Variants in CTIF observed in about 807,000 individuals in gnomAD.
The protein encoded by CTIF is cap binding complex dependent translation initiation factor.
A neutral mutation model predicts 66.0 loss-of-function variants in CTIF; 21 were observed. The ratio of observed to expected loss-of-function variants is 0.32; its 90% CI spans 0.23 to 0.46. The LOEUF (loss-of-function observed/expected upper bound fraction) is 0.46. CTIF is among the 20% of genes least tolerant of loss of function. The probability of loss-of-function intolerance (pLI) is 1.00; values close to 1 mark genes in which losing one functional copy is unlikely to be tolerated. For synonymous variants in CTIF, 345 were observed against 326.4 expected (o/e 1.06, Z -0.62); for missense variants, 739 against 812.7 (o/e 0.91, Z 1.10).
At chr18:48,794,502 G>T (rs2067866652) in intron 9 of CTIF, among the ~76,000 whole-genome samples, 1 of 152,158 alleles carries the variant, frequency 6.6e-6, no homozygotes, top group Admixed American at 6.5e-5. Flanking sequence ...GGCTACGGCT[G>T]GTTCTCCCAC....
chr18:48,559,384 A>G (rs920751136), intron 1 of CTIF, among the ~76,000 whole-genome samples: 21 of 152,308 alleles, frequency 1.4e-4, no homozygotes, highest in Non-Finnish European at 2.9e-4. Flanking sequence ...AAACAAAAGA[A>G]TATTTTCTAA....
chr18:48,615,341 G>A (rs2090378716), intron 1 of CTIF, among the ~76,000 whole-genome samples: 1 of 152,234 alleles, frequency 6.6e-6, no homozygotes, highest in Non-Finnish European at 1.5e-5. Flanking sequence ...TTCTTCTCTT[G>A]TGACTGAGAT....
intron 3 of CTIF, among the ~76,000 whole-genome samples, chr18:48,661,167 TG>T (rs2091338254): frequency 1.3e-5 from 2 of 152,164 alleles, no homozygotes; most frequent in African/African-American, 2.4e-5. Context: ...ACAGTCTACT[TG>T]GGGAAGGTCT....
chr18:48,720,642 C>T (rs1162967273), intron 7 of CTIF, among the ~76,000 whole-genome samples: 3 of 152,164 alleles, frequency 2.0e-5, no homozygotes, highest in Non-Finnish European at 4.4e-5. Flanking sequence ...CTCACGCCCA[C>T]CCCCAAGCAG....
At chr18:48,801,300 A>G (rs1460459128) in intron 9 of CTIF, among the ~76,000 whole-genome samples, 4 of 152,220 alleles carry the variant, frequency 2.6e-5, no homozygotes, top group African/African-American at 9.6e-5. Context: ...AGGCAGGCAC[A>G]GGCCAGGATC....
chr18:48,541,168 C>T (rs919622573), intron 1 of CTIF, among the ~76,000 whole-genome samples: 1 of 152,068 alleles, frequency 6.6e-6, no homozygotes, highest in Non-Finnish European at 1.5e-5. Flanking sequence ...GACTGCCAAC[C>T]GCAGCCCCGG....
intron 6 of CTIF, among the ~76,000 whole-genome samples, chr18:48,704,540 C>G (rs1277078860): frequency 1.3e-5 from 2 of 152,196 alleles, no homozygotes; most frequent in African/African-American, 2.4e-5. Flanking sequence ...GCTCACTGTT[C>G]TGAAAGCAGA....
At chr18:48,834,980 C>T (rs775107190) in intron 10 of CTIF, among the ~76,000 whole-genome samples, 2 of 152,236 alleles carry the variant, frequency 1.3e-5, no homozygotes, top group East Asian at 1.9e-4. Context: ...TGCCAGCTTC[C>T]GGGAAGCGAA....
intron 9 of CTIF, among the ~76,000 whole-genome samples, chr18:48,813,257 G>A (rs1052275354): frequency 5.3e-5 from 8 of 152,030 alleles, no homozygotes; most frequent in African/African-American, 1.2e-4. Flanking sequence ...CCCTTCCTTC[G>A]AATGCCTATT....
At chr18:48,568,767 CAA>C in intron 1 of CTIF, among the ~76,000 whole-genome samples, 1 of 150,236 alleles carries the variant, frequency 6.7e-6, no homozygotes, top group South Asian at 2.1e-4. Flanking sequence ...TGGCGGCAGG[CAA>C]AAGAGTGTGT....
At chr18:48,594,817 C>T (rs1023929079) in intron 1 of CTIF, among the ~76,000 whole-genome samples, 2 of 152,240 alleles carry the variant, frequency 1.3e-5, no homozygotes, top group African/African-American at 4.8e-5. Context: ...CCCGCTTGGG[C>T]CTCCTCCTCA....
In CTIF at chr18:48,834,513, C is replaced by T. The variant is rs1182868628; in HGVS notation, c.1527+17137C>T. Among the ~76,000 whole-genome samples, 5 of 152,360 alleles carry T rather than the reference C, an allele frequency of 3.3e-5. No homozygotes were observed. The East Asian group carries it at 9.6e-4, about 29-fold the overall frequency. Reference sequence around the variant, plus strand: ...GTTCTCAAGTGGGAAACGCTCCTCTCCTCCAGATGGTTTCAATGCACATTA... The same window carrying T: ...GTTCTCAAGTGGGAAACGCTCCTCTTCTCCAGATGGTTTCAATGCACATTA... On this transcript the variant is annotated intron_variant, in intron 10 of 11. Transcript: ENST00000256413.
intron 6 of CTIF, among the ~76,000 whole-genome samples, chr18:48,690,221 T>C (rs999472851): frequency 2.0e-5 from 3 of 152,112 alleles, no homozygotes; most frequent in African/African-American, 7.2e-5. Context: ...TATTTGGGCG[T>C]TTACAGACTC....
chr18:48,679,055 C>T (rs1408679915), intron 6 of CTIF, among the ~76,000 whole-genome samples: 4 of 152,210 alleles, frequency 2.6e-5, no homozygotes. Flanking sequence ...TGGCTTTTTA[C>T]AGAAAAAGTT....
intron 7 of CTIF, among the ~76,000 whole-genome samples, chr18:48,751,836 T>C (rs1042001025): frequency 6.6e-6 from 1 of 152,240 alleles, no homozygotes. Flanking sequence ...CTATGTGGCC[T>C]CAGGCAAACC....
intron 9 of CTIF, among the ~76,000 whole-genome samples, chr18:48,800,706 G>A (rs1044001210): frequency 6.6e-6 from 1 of 152,186 alleles, no homozygotes; most frequent in Non-Finnish European, 1.5e-5. Flanking sequence ...GTTTAGCCGT[G>A]TTTCCCTTTT....
At chr18:48,593,751 T>TG (rs964417534) in intron 1 of CTIF, among the ~76,000 whole-genome samples, 20 of 151,522 alleles carry the variant, frequency 1.3e-4, no homozygotes, top group South Asian at 2.1e-4. Flanking sequence ...TTTGTTTGTT[T>TG]TTTTTTTTAA....
intron 5 of CTIF, among the ~76,000 whole-genome samples, chr18:48,666,115 GT>G (rs1370412276): frequency 6.6e-6 from 1 of 151,982 alleles, no homozygotes; most frequent in East Asian, 1.9e-4. Context: ...CAGCACTTGT[GT>G]TTTTTTTTCT....
intron 1 of CTIF, among the ~76,000 whole-genome samples, chr18:48,546,569 C>A (rs2088755227): frequency 3.3e-5 from 5 of 152,126 alleles, no homozygotes; most frequent in Admixed American, 3.3e-4. Context: ...AAGGGAAATC[C>A]CCAGGGATCT....
Sources: allele counts gnomAD v4.1 joint callset (sites outside exome capture counted in the v4.1 genomes callset), GRCh38; gene constraint gnomAD v4.1.1; transcripts MANE v1.5; gene names NCBI Gene and HGNC (gene_info 2026-07-23, HGNC 2026-07-21).